TG: variants seen among roughly 807,000 people sequenced by gnomAD.
TG encodes thyroid hormones.
In TG, 270 loss-of-function variants were observed where a neutral mutation model predicts 324.7. The observed-to-expected ratio is 0.83, with a 90% CI of 0.75 to 0.92. The LOEUF (loss-of-function observed/expected upper bound fraction) is 0.92, where lower values mean the gene tolerates loss of function less well. Ranked by LOEUF, TG falls within the 40% of genes least tolerant of loss-of-function variation. The pLI is 0.00. For missense variants in TG, 3,591 were observed against 3,456.4 expected (o/e 1.04, Z -0.98); for synonymous variants, 1,401 against 1,327.0 (o/e 1.06, Z -1.21).
chr8:133,007,699 TG>T (rs2130866585), intron 35 of TG, among the ~76,000 whole-genome samples: 1 of 152,112 alleles, frequency 6.6e-6, no homozygotes, highest in Non-Finnish European at 1.5e-5. Flanking sequence ...AATTTTATGA[TG>T]GGATTAAAGA....
intron 41 of TG, chr8:133,094,562 A>C (rs1848129173): frequency 4.4e-6 from 1 of 229,724 alleles, no homozygotes; most frequent in Non-Finnish European, 8.8e-6. Flanking sequence ...ATTTACCCTT[A>C]CAAAGACTGT....
At position 132,886,696 on chromosome 8, in the gene TG, G is replaced by A; in HGVS notation, c.1324G>A (p.Glu442Lys). The A allele has an allele frequency of 6.2e-7, 1 of 1,614,186 alleles. No homozygotes were observed. Among genetic ancestry groups the A allele is most frequent in the Non-Finnish European group, 8.5e-7 (1 of 1,180,038 alleles). ...TTCTGTCTCAGAAAATCTTCTCAAA[G>A]AAGCCATCCGAGCAATTTTTCCCTC... ...QFSVSENLLK[E>K]AIRAIFPSRG... Residue 442 changes from glutamate (E) to lysine (K), a missense_variant, in exon 9 of 48, where the codon GAA becomes AAA. Coordinates refer to ENST00000220616, the MANE Select transcript of TG (RefSeq NM_003235.5).
chr8:132,922,364 C>G (rs1305839212), intron 21 of TG, among the ~76,000 whole-genome samples: 3 of 152,172 alleles, frequency 2.0e-5, no homozygotes, highest in Non-Finnish European at 2.9e-5. Context: ...TTTTGTGGGT[C>G]AGACACTGAG....
intron 41 of TG, among the ~76,000 whole-genome samples, chr8:133,054,924 C>A (rs1436512404): frequency 6.6e-6 from 1 of 152,176 alleles, no homozygotes; most frequent in Non-Finnish European, 1.5e-5. Flanking sequence ...CATTCTCAGT[C>A]ACTCCCACTT....
intron 43 of TG, chr8:133,102,979 C>T (rs1849455236): frequency 4.0e-6 from 1 of 252,250 alleles, no homozygotes; most frequent in Admixed American, 5.0e-5. Context: ...TGGCACGAGC[C>T]CCAGCACAGG....
intron 35 of TG, among the ~76,000 whole-genome samples, chr8:133,009,716 C>T (rs963005071): frequency 7.9e-5 from 12 of 151,648 alleles, no homozygotes; most frequent in Non-Finnish European, 1.5e-5. Flanking sequence ...CAACAGAGGG[C>T]TCGCTTGGTC....
At chr8:133,068,068 T>C (rs2739145) in intron 41 of TG, among the ~76,000 whole-genome samples, 92,671 of 151,696 alleles carry the variant, frequency 0.61, 28,798 homozygotes, top group East Asian at 0.79. Flanking sequence ...CTACTCTTGA[T>C]AGGATACCTC....
At chr8:133,059,086 T>C (rs1841976560) in intron 41 of TG, 6 of 456,194 alleles carry the variant, frequency 1.3e-5, no homozygotes, top group Admixed American at 4.7e-5. Flanking sequence ...GGAACCTGGC[T>C]CAGTCCACTT....
intron 24 of TG, among the ~76,000 whole-genome samples, chr8:132,935,460 A>G (rs1459784542): frequency 1.3e-5 from 2 of 152,090 alleles, no homozygotes; most frequent in Non-Finnish European, 2.9e-5. Context: ...ACTCATTAAT[A>G]TCTCAGAACC....
Position 133,133,540 on chromosome 8 carries a change from C to A in TG, c.8068C>A (p.Pro2690Thr). ...TFATPWPDFV[P>T]RAGGENYKEF... ...TGCAACCCCCTGGCCTGACTTTGTA[C>A]CCCGTGCTGGTGGAGAGAACTACAA... The change falls in exon 47 of 48, where the codon CCC becomes ACC. Residue 2690 changes from proline (P) to threonine (T), a missense_variant. Physicochemically the swap from Pro to Thr is conservative, Grantham distance 38 (BLOSUM62 -1). Transcript: ENST00000220616. 6.2e-7 allele frequency: 1 copy of A among 1,614,202 alleles called. No individual in the cohort carries two copies. The highest frequency in any genetic ancestry group is 1.7e-4 in the Middle Eastern group (1 of 6,060).
intron 29 of TG, 54 bp from the exon 30 acceptor site, chr8:132,966,506 T>C: frequency 1.2e-6 from 2 of 1,608,252 alleles, no homozygotes; most frequent in Admixed American, 1.7e-5. Flanking sequence ...TGTGTTTTTC[T>C]CATATTCACT....
intron 15 of TG, among the ~76,000 whole-genome samples, chr8:132,900,760 C>T (rs1232590098): frequency 6.6e-6 from 1 of 152,182 alleles, no homozygotes; most frequent in Non-Finnish European, 1.5e-5. Flanking sequence ...CGGGGCCGTG[C>T]TTGAGCTCCC....
At chr8:133,021,168 GATA>G (rs1835527676) in intron 39 of TG, among the ~76,000 whole-genome samples, 1 of 152,178 alleles carries the variant, frequency 6.6e-6, no homozygotes, top group Non-Finnish European at 1.5e-5. Context: ...GTCAAATGTG[GATA>G]ATAAGAATCT....
chr8:132,948,901 C>A lies in TG; in HGVS notation c.5359C>A (p.His1787Asn). 8.1e-6 allele frequency: 13 copies of A among 1,613,976 alleles called. No individual in the cohort carries two copies. The highest frequency in any genetic ancestry group is 1.1e-5 in the Non-Finnish European group (13 of 1,179,994). ...TGGTGTGACATATGACCAGGAGAGC[C>A]ACCAGGTGATATTGCGTCTTGGAGA... ...CPGVTYDQES[H>N]QVILRLGDQE... The change falls in exon 27 of 48, where the codon CAC (histidine) becomes AAC (asparagine). Residue 1787 changes from histidine (H) to asparagine (N), a missense_variant. Transcript: ENST00000220616.
intron 35 of TG, 125 bp from the exon 36 acceptor site, chr8:133,011,776 C>A: frequency 8.5e-7 from 1 of 1,179,672 alleles, no homozygotes; most frequent in Non-Finnish European, 1.3e-6. Flanking sequence ...TAAGGTTGCA[C>A]AGGAATGGAG....
chr8:132,898,114 C>T lies in TG; in HGVS notation c.3140-55C>T, dbSNP rs1817383655. 16 of 1,514,472 alleles carry T rather than the reference C, an allele frequency of 1.1e-5. No homozygotes were observed. In the South Asian group the frequency reaches 1.9e-4, roughly 18 times the overall value. The allele number at this position is 1,514,472 out of a possible 1,614,324, so 93.8% of individuals were successfully genotyped here. ...GAAGGAAAGTTGTTTATGGGACACT[C>T]CAGGGTAAGTCCCTAGTGCAATTCC... On this transcript the variant is annotated intron_variant, in intron 12 of 47. Transcript: ENST00000220616.
Position 132,941,452 on chromosome 8 carries a change from G to A in TG, c.5143G>A (p.Ala1715Thr). The A allele has an allele frequency of 6.2e-7, 1 of 1,614,212 alleles. No individual in the cohort carries two copies. The highest frequency in any genetic ancestry group is 1.6e-4 in the Middle Eastern group (1 of 6,062). ...YNPIVFSASG[A>T]NLTDAHLFCL... ...CCCCATTGTGTTCTCAGCCTCAGGA[G>A]CCAATCTAACCGATGCTCACCTCTT... Residue 1715 changes from alanine to threonine, a missense_variant, in exon 26 of 48, where the codon GCC (alanine) becomes ACC (threonine). Ala to Thr is a moderately conservative substitution (Grantham distance 58). Transcript: ENST00000220616.
chr8:133,050,564 G>C, intron 41 of TG: 1 of 422,262 alleles, frequency 2.4e-6, no homozygotes, highest in South Asian at 3.4e-5. Flanking sequence ...GAAGAGGCTG[G>C]ATCATAAAGG....
intron 41 of TG, among the ~76,000 whole-genome samples, chr8:133,093,742 C>A (rs1847954012): frequency 6.6e-6 from 1 of 152,206 alleles, no homozygotes; most frequent in Non-Finnish European, 1.5e-5. Flanking sequence ...GTGCCACCAC[C>A]TTTCATCAGG....
Sources: allele counts gnomAD v4.1 joint callset (sites outside exome capture counted in the v4.1 genomes callset), GRCh38; gene constraint gnomAD v4.1.1; transcripts MANE v1.5; gene names NCBI Gene and HGNC (gene_info 2026-07-23, HGNC 2026-07-21).